The following MPDZ variants were observed in gnomAD, a reference collection of about 807,000 sequenced individuals.
MPDZ encodes the protein multiple PDZ domain crumbs cell polarity complex component.
MPDZ carries 234 observed loss-of-function variants against 239.1 expected under a neutral mutation model. The ratio of observed to expected loss-of-function variants is 0.98; its 90% CI spans 0.88 to 1.09. The LOEUF is 1.09. MPDZ is among the 50% of genes least tolerant of loss of function. The pLI is 0.00. For missense variants in MPDZ, 3,175 were observed against 2,510.0 expected, an observed-to-expected ratio of 1.26 and a Z score of -5.66; for synonymous variants, 1,048 against 881.3, an observed-to-expected ratio of 1.19 and a Z score of -3.35.
chr9:13,203,799 G>T (rs968968783), intron 12 of MPDZ, among the ~76,000 whole-genome samples: 15 of 150,854 alleles, frequency 9.9e-5, no homozygotes, highest in Admixed American at 2.0e-4. Context: ...GAGAGAGAGG[G>T]ATTTCTCATT....
intron 32 of MPDZ, among the ~76,000 whole-genome samples, chr9:13,128,818 C>T (rs900869072): frequency 3.3e-5 from 5 of 152,164 alleles, no homozygotes; most frequent in Non-Finnish European, 7.4e-5. Context: ...AGAAGTAGCA[C>T]ATGGCCAAAC....
intron 22 of MPDZ, among the ~76,000 whole-genome samples, chr9:13,166,191 G>C (rs1321872082): frequency 6.6e-6 from 1 of 152,078 alleles, no homozygotes; most frequent in Non-Finnish European, 1.5e-5. Context: ...ATGGGCCTGA[G>C]GCAATGTTAT....
intron 3 of MPDZ, among the ~76,000 whole-genome samples, chr9:13,237,401 C>T (rs920803179): frequency 3.6e-5 from 5 of 139,018 alleles, no homozygotes; most frequent in Admixed American, 3.1e-4. Flanking sequence ...CATGCCACTG[C>T]ACTCCAGCCC....
intron 19 of MPDZ, among the ~76,000 whole-genome samples, chr9:13,178,083 C>T (rs1050024677): frequency 6.6e-6 from 1 of 151,814 alleles, no homozygotes; most frequent in Non-Finnish European, 1.5e-5. Context: ...GGATTACAGG[C>T]GTGAGCCACT....
chr9:13,138,829 C>T (rs1039523566), intron 28 of MPDZ, among the ~76,000 whole-genome samples: 2 of 152,142 alleles, frequency 1.3e-5, no homozygotes, highest in Admixed American at 6.5e-5. Context: ...AGCGACCAGC[C>T]AACAGCCAGC....
intron 1 of MPDZ, among the ~76,000 whole-genome samples, chr9:13,268,671 G>GT (rs1466288203): frequency 6.6e-6 from 1 of 152,214 alleles, no homozygotes; most frequent in African/African-American, 2.4e-5. Flanking sequence ...GATAAGGAGA[G>GT]TGTGGAGGAG....
At chr9:13,241,297 T>G (rs1231611522) in intron 3 of MPDZ, among the ~76,000 whole-genome samples, 5 of 152,174 alleles carry the variant, frequency 3.3e-5, no homozygotes. Context: ...GCTACAAAGC[T>G]CTATCATAAA....
intron 6 of MPDZ, 87 bp from the exon 7 acceptor site, chr9:13,221,587 G>C: frequency 7.2e-7 from 1 of 1,379,664 alleles, no homozygotes; most frequent in Non-Finnish European, 9.8e-7. Flanking sequence ...CGATTATTTT[G>C]TTAATATTAA....
At chr9:13,125,759 T>G (rs1945017179) in intron 34 of MPDZ, among the ~76,000 whole-genome samples, 1 of 152,168 alleles carries the variant, frequency 6.6e-6, no homozygotes, top group East Asian at 1.9e-4. Flanking sequence ...TAGAAGCAAC[T>G]TACACAAACA....
rs959743860 is a variant in MPDZ, at chr9:13,244,075, C to T, written c.183+3560G>A. On this transcript the variant is annotated intron_variant, in intron 3 of 46. Coordinates refer to ENST00000319217, the MANE Select transcript of MPDZ (RefSeq NM_001378778.1). The stretch of plus-strand genomic sequence containing the variant: ...ATTTTTAAGTATTGGTCCTAAATTT[C>T]TATTGAAATTAATCATTTTAATTCT... Among the ~76,000 whole-genome samples, 22 of 152,118 alleles carry T rather than the reference C, an allele frequency of 1.4e-4. 3 individuals carry two copies. The highest frequency in any genetic ancestry group is 1.2e-3 in the Admixed American group (19 of 15,270).
intron 1 of MPDZ, among the ~76,000 whole-genome samples, chr9:13,273,244 G>T (rs1588262131): frequency 1.3e-5 from 2 of 152,306 alleles, no homozygotes; most frequent in Non-Finnish European, 2.9e-5. Flanking sequence ...AACTAAAACA[G>T]GGGCCTAGCA....
intron 21 of MPDZ, 29 bp downstream of exon 21, chr9:13,175,723 T>C (rs1474611644): frequency 6.5e-7 from 1 of 1,537,552 alleles, no homozygotes; most frequent in Admixed American, 2.0e-5. Context: ...GGTTGAGGAG[T>C]AGGTATATGA....
intron 10 of MPDZ, among the ~76,000 whole-genome samples, chr9:13,207,615 C>T (rs1957146175): frequency 6.6e-6 from 1 of 152,162 alleles, no homozygotes; most frequent in South Asian, 2.1e-4. Context: ...AATAAACTAC[C>T]TTGATGTCTT....
intron 1 of MPDZ, among the ~76,000 whole-genome samples, chr9:13,271,260 T>G (rs1302683647): frequency 6.6e-6 from 1 of 152,206 alleles, no homozygotes; most frequent in Admixed American, 6.5e-5. Flanking sequence ...GGCATGAATT[T>G]AAGAAGACTG....
chr9:13,239,339 C>T (rs1377553568), intron 3 of MPDZ, among the ~76,000 whole-genome samples: 2 of 152,116 alleles, frequency 1.3e-5, no homozygotes, highest in Admixed American at 6.5e-5. Flanking sequence ...GCCTGCCTGG[C>T]TCTACCACTT....
At chr9:13,122,058 T>C in intron 37 of MPDZ, 29 bp downstream of exon 37, 5 of 1,612,144 alleles carry the variant, frequency 3.1e-6, no homozygotes, top group Non-Finnish European at 4.2e-6. Context: ...CTCTGTTAAT[T>C]TTGAAGGTCA....
intron 24 of MPDZ, among the ~76,000 whole-genome samples, chr9:13,151,516 G>C (rs748477316): frequency 6.6e-6 from 1 of 152,172 alleles, no homozygotes; most frequent in Admixed American, 6.6e-5. Context: ...TATGCTAAGT[G>C]AAGTTAAGTC....
chr9:13,188,208 G>T (rs1433585237), intron 17 of MPDZ, among the ~76,000 whole-genome samples: 1 of 152,088 alleles, frequency 6.6e-6, no homozygotes, highest in Non-Finnish European at 1.5e-5. Flanking sequence ...CATTAATCAT[G>T]ACCTTATTAT....
intron 3 of MPDZ, among the ~76,000 whole-genome samples, chr9:13,229,658 A>C (rs1451097369): frequency 6.6e-6 from 1 of 151,986 alleles, no homozygotes; most frequent in Admixed American, 6.6e-5. Context: ...GAAATACCAG[A>C]GTAAAATCTT....
Sources: allele counts gnomAD v4.1 joint callset (sites outside exome capture counted in the v4.1 genomes callset), GRCh38; gene constraint gnomAD v4.1.1; transcripts MANE v1.5; gene names NCBI Gene and HGNC (gene_info 2026-07-23, HGNC 2026-07-21).